CAB39: variants seen among roughly 807,000 people sequenced by gnomAD.
The protein encoded by CAB39 is calcium-binding protein 39.
CAB39 carries 8 observed loss-of-function variants against 40.0 expected under a neutral mutation model. The observed-to-expected ratio is 0.20, with a 90% CI of 0.12 to 0.36. The LOEUF (loss-of-function observed/expected upper bound fraction) is 0.36. Ranked by LOEUF, CAB39 falls within the 10% of genes least tolerant of loss-of-function variation. The pLI is 1.00. For missense variants in CAB39, 270 were observed against 401.1 expected, an observed-to-expected ratio of 0.67 and a Z score of 2.79; for synonymous variants, 156 against 141.6, an observed-to-expected ratio of 1.10 and a Z score of -0.72.
At chr2:230,751,621 A>G (rs934498381) in intron 1 of CAB39, among the ~76,000 whole-genome samples, 5 of 152,206 alleles carry the variant, frequency 3.3e-5, no homozygotes, top group Non-Finnish European at 7.3e-5. Flanking sequence ...GGTATCCTGT[A>G]TATTCTCTAG....
At chr2:230,767,461 T>C (rs752860212) in intron 2 of CAB39, among the ~76,000 whole-genome samples, 1 of 152,192 alleles carries the variant, frequency 6.6e-6, no homozygotes, top group Non-Finnish European at 1.5e-5. Flanking sequence ...CCTACAACCA[T>C]AGTGATTCTT....
intron 1 of CAB39, among the ~76,000 whole-genome samples, chr2:230,750,620 T>A (rs897731990): frequency 6.6e-6 from 1 of 152,218 alleles, no homozygotes; most frequent in Non-Finnish European, 1.5e-5. Flanking sequence ...GTTTTTATTT[T>A]AAAAATTTTT....
chr2:230,792,657 T>G (rs1050387996), intron 3 of CAB39, among the ~76,000 whole-genome samples: 5 of 152,238 alleles, frequency 3.3e-5, no homozygotes, highest in African/African-American at 1.2e-4. Flanking sequence ...ACTTAGTACC[T>G]TCATTATTAA....
chr2:230,759,845 A>G (rs1298066360), intron 1 of CAB39, 114 bp from the exon 2 acceptor site: 1 of 491,040 alleles, frequency 2.0e-6, no homozygotes, highest in African/African-American at 1.9e-5. Flanking sequence ...TGATTTTGAA[A>G]GTTATGTAAA....
intron 1 of CAB39, among the ~76,000 whole-genome samples, chr2:230,735,039 C>T (rs1017175866): frequency 1.2e-4 from 18 of 152,156 alleles, no homozygotes; most frequent in African/African-American, 3.9e-4. Context: ...TTTTCATTTA[C>T]ATTGTGCTCT....
chr2:230,773,314 A>ATGTGTGTGTGTGTGTGTGTGTGTGTGTG (rs71052549), intron 2 of CAB39, among the ~76,000 whole-genome samples: 2 of 132,632 alleles, frequency 1.5e-5, no homozygotes, highest in African/African-American at 6.2e-5. Context: ...ATATATATAT[A>ATGTGTGTGTGTGTGTGTGTGTGTGTGTG]TGTGTGTGTG....
chr2:230,722,618 A>G (rs904461651), intron 1 of CAB39, among the ~76,000 whole-genome samples: 1 of 152,258 alleles, frequency 6.6e-6, no homozygotes, highest in African/African-American at 2.4e-5. Flanking sequence ...TAGCAATAAT[A>G]GAACCTATAC....
intron 1 of CAB39, among the ~76,000 whole-genome samples, chr2:230,723,315 C>CT (rs993290686): frequency 2.0e-4 from 30 of 146,834 alleles, no homozygotes; most frequent in East Asian, 1.2e-3. Context: ...TTCCCATTAT[C>CT]TTTTTTTTTT....
At chr2:230,736,427 G>A (rs1436833349) in intron 1 of CAB39, among the ~76,000 whole-genome samples, 2 of 152,076 alleles carry the variant, frequency 1.3e-5, no homozygotes, top group East Asian at 1.9e-4. Context: ...CAGAGAGTTA[G>A]ATAAAAAGCA....
chr2:230,794,690 G>A (rs749595149), intron 4 of CAB39, among the ~76,000 whole-genome samples: 8 of 152,118 alleles, frequency 5.3e-5, no homozygotes, highest in East Asian at 1.9e-4. Context: ...CGGAAGCCCC[G>A]CCCACCTCCT....
chr2:230,744,079 G>A lies in CAB39; in HGVS notation c.-43-15880G>A, dbSNP rs148170237. 2.4e-3 allele frequency among the ~76,000 whole-genome samples: 357 copies of A among 151,200 alleles called. 1 individual carries two copies. Among genetic ancestry groups the A allele is most frequent in the African/African-American group, 8.3e-3 (341 of 41,206 alleles). ...GGATTACAGGCATCTGCCACCATGC[G>A]CGGCTAATTTTTTAAATTTTTAGTA... On this transcript the variant is annotated intron_variant, in intron 1 of 8. Transcript: ENST00000258418.
chr2:230,817,699 C>T, intron 7 of CAB39, 55 bp from the exon 8 acceptor site: 3 of 1,405,564 alleles, frequency 2.1e-6, no homozygotes, highest in South Asian at 1.3e-5. Flanking sequence ...TTTTTTTAAA[C>T]TTTGATTTTT....
At chr2:230,812,387 C>T (rs762307934) in intron 6 of CAB39, among the ~76,000 whole-genome samples, 3 of 152,188 alleles carry the variant, frequency 2.0e-5, no homozygotes, top group Non-Finnish European at 2.9e-5. Context: ...TTGTTACTTA[C>T]TCTTTGTCTG....
intron 1 of CAB39, among the ~76,000 whole-genome samples, chr2:230,733,983 T>G (rs945504784): frequency 6.6e-6 from 1 of 152,230 alleles, no homozygotes. Flanking sequence ...ACATTTCAGA[T>G]ATCCATCCCC....
At chr2:230,725,088 T>C (rs1694538782) in intron 1 of CAB39, 1 of 1,581,162 alleles carries the variant, frequency 6.3e-7, no homozygotes, top group Non-Finnish European at 8.7e-7. Flanking sequence ...GAGGAGTCCC[T>C]ACTCGGCTGC....
intron 1 of CAB39, among the ~76,000 whole-genome samples, chr2:230,736,457 G>C (rs1271293364): frequency 6.6e-6 from 1 of 152,168 alleles, no homozygotes; most frequent in Non-Finnish European, 1.5e-5. Context: ...GTGGAGAGAT[G>C]AAATTATTCT....
At chr2:230,726,500 T>C (rs1272315152) in intron 1 of CAB39, among the ~76,000 whole-genome samples, 1 of 152,006 alleles carries the variant, frequency 6.6e-6, no homozygotes, top group Non-Finnish European at 1.5e-5. Flanking sequence ...AGGATCCTTT[T>C]ACTTGTGTTC....
intron 1 of CAB39, among the ~76,000 whole-genome samples, chr2:230,745,371 C>T (rs1303297883): frequency 6.6e-6 from 1 of 152,130 alleles, no homozygotes; most frequent in Non-Finnish European, 1.5e-5. Flanking sequence ...AAAATGTAGA[C>T]ATGTGCCTAA....
chr2:230,745,339 T>G (rs1449229703), intron 1 of CAB39, among the ~76,000 whole-genome samples: 4 of 152,202 alleles, frequency 2.6e-5, no homozygotes, highest in African/African-American at 9.7e-5. Context: ...TTGAAAAATC[T>G]TTTTTTGTAA....
Sources: gnomAD v4.1 joint callset for allele counts (sites outside exome capture counted in the v4.1 genomes callset) on GRCh38, gnomAD v4.1.1 for gene constraint, MANE v1.5 for transcripts, NCBI Gene and HGNC (gene_info 2026-07-23, HGNC 2026-07-21) for gene names.